ADAD2: variants seen among roughly 807,000 people sequenced by gnomAD.
ADAD2 encodes the protein adenosine deaminase domain containing 2.
In ADAD2, 60 loss-of-function variants were observed where a neutral mutation model predicts 54.5. That is an observed-to-expected ratio of 1.10 (90% CI 0.89 to 1.36). The LOEUF (loss-of-function observed/expected upper bound fraction) is 1.36. Among genes scored for constraint, ADAD2 ranks in the 40% most tolerant of loss-of-function variants. The probability of loss-of-function intolerance (pLI) is 0.00; values close to 1 mark genes in which losing one functional copy is unlikely to be tolerated. For synonymous variants in ADAD2, 543 were observed against 366.2 expected, an observed-to-expected ratio of 1.48 and a Z score of -5.51; for missense variants, 1,103 against 801.3, an observed-to-expected ratio of 1.38 and a Z score of -4.54.
intron 4 of ADAD2, 43 bp from the exon 5 acceptor site, chr16:84,195,253 C>G: frequency 6.2e-7 from 1 of 1,611,512 alleles, no homozygotes; most frequent in Non-Finnish European, 8.5e-7. Context: ...CCCCCTCAAG[C>G]TCCTTGCCTT....
At position 84,196,377 on chromosome 16, in the gene ADAD2, AG is replaced by A; in HGVS notation, c.1526+10del. On this transcript the variant is annotated splice_region_variant and intron_variant, in intron 8 of 9. Transcript: ENST00000315906. ...CCGGGCGTGTGAAGGCCAAGTGAGA[AG>A]GGCCCCCTGGGGCCGGGCTGTGGAG... The A allele has an allele frequency of 6.2e-7, 1 of 1,608,620 alleles. No individual in the cohort carries two copies. The highest frequency in any genetic ancestry group is 8.5e-7 in the Non-Finnish European group (1 of 1,177,748).
At chr16:84,196,448 G>T in intron 8 of ADAD2, 78 bp downstream of exon 8, 1 of 1,559,282 alleles carries the variant, frequency 6.4e-7, no homozygotes, top group Non-Finnish European at 8.7e-7. Flanking sequence ...CCTCACCTCA[G>T]TCTAATCCCA....
At chr16:84,194,318 G>A in intron 1 of ADAD2, 124 bp from the exon 2 acceptor site, 2 of 1,544,798 alleles carry the variant, frequency 1.3e-6, no homozygotes, top group Non-Finnish European at 8.8e-7. Context: ...TGGAGGAAGG[G>A]AAGGGTGGTG....
chr16:84,194,310 G>C (rs752594182), intron 1 of ADAD2, 132 bp from the exon 2 acceptor site: 10 of 1,546,616 alleles, frequency 6.5e-6, no homozygotes, highest in Non-Finnish European at 8.7e-6. Flanking sequence ...GAGCCTGCTG[G>C]AGGAAGGGAA....
In ADAD2 at chr16:84,195,179, G is replaced by C. The variant is rs1298148047; in HGVS notation, c.718G>C (p.Val240Leu). Reference sequence around the variant, plus strand: ...GGCCTGTAAGGGGACTGTGGCTGGAGTCATCCTGGAGAGGGGTAGGGATCG... The same window carrying C: ...GGCCTGTAAGGGGACTGTGGCTGGACTCATCCTGGAGAGGGGTAGGGATCG... ...YWACKGTVAG[V>L]ILEREIPRAR... The change falls in exon 4 of 10, where the codon GTC (valine) becomes CTC (leucine). Residue 240 changes from valine (V) to leucine (L), a missense_variant. Coordinates refer to ENST00000315906, the MANE Select transcript of ADAD2 (RefSeq NM_001145400.2). The C allele has an allele frequency of 6.2e-7, 1 of 1,613,078 alleles. No individual in the cohort carries two copies. Among genetic ancestry groups the C allele is most frequent in the Non-Finnish European group, 8.5e-7 (1 of 1,179,912 alleles).
chr16:84,196,558 G>A lies in ADAD2; in HGVS notation c.1527-89G>A. ...CTGTGAGTCCTGTGACATTGTCACA[G>A]TGTGAGAGGAGGTAGTGTGAGGTGT... On this transcript the variant is annotated intron_variant, in intron 8 of 9. Coordinates refer to ENST00000315906, the MANE Select transcript of ADAD2 (RefSeq NM_001145400.2). The A allele has an allele frequency of 3.2e-6, 5 of 1,569,212 alleles. 1 individual carries two copies. The South Asian group carries it at 5.9e-5, about 18-fold the overall frequency.
In ADAD2 at chr16:84,195,668, CA is replaced by C; in HGVS notation, c.1024del (p.Thr342ProfsTer35). ...TCTTCCTGCACCTCTACATCAGCAA[CA>C]CCCCCAAGGGCGCGGCCCGTGACAT... ...RVFLHLYISN[T>X]PKGAARDIYL... On this transcript the variant is annotated frameshift_variant, in exon 6 of 10. Coordinates refer to ENST00000315906, the MANE Select transcript of ADAD2 (RefSeq NM_001145400.2). LOFTEE classifies it high-confidence loss of function. 6.3e-7 allele frequency: 1 copy of C among 1,580,176 alleles called. No homozygotes were observed. The highest frequency in any genetic ancestry group is 1.2e-5 in the South Asian group (1 of 86,020).
Position 84,196,993 on chromosome 16 carries a change from C to A in ADAD2, c.*19C>A. Reference sequence around the variant, plus strand: ...AAACTGAAGCCAGCCTCGGCGGGACCGAGGTCCCGGAGCCAAGCTGTACCC... The same window carrying A: ...AAACTGAAGCCAGCCTCGGCGGGACAGAGGTCCCGGAGCCAAGCTGTACCC... On this transcript the variant is annotated 3_prime_UTR_variant, in exon 10 of 10. Transcript: ENST00000315906. 6.4e-7 allele frequency: 1 copy of A among 1,572,166 alleles called. No individual in the cohort carries two copies.
chr16:84,195,244 C>A, intron 4 of ADAD2, 50 bp downstream of exon 4: 2 of 1,610,576 alleles, frequency 1.2e-6, no homozygotes, highest in Non-Finnish European at 1.7e-6. Context: ...TGGGAAGGGC[C>A]CCCTCAAGCT....
chr16:84,196,585 T>C, intron 8 of ADAD2, 62 bp from the exon 9 acceptor site: 3 of 1,591,650 alleles, frequency 1.9e-6, no homozygotes, highest in South Asian at 1.1e-5. Flanking sequence ...GTGAGGTGTG[T>C]AGCAGGCCTG....
chr16:84,193,116 CTG>C (rs2089677502), intron 1 of ADAD2: 1 of 152,230 alleles, frequency 6.6e-6, no homozygotes, highest in Admixed American at 6.5e-5. Flanking sequence ...GAGTGAGCCA[CTG>C]TGCCCGGCCT....
chr16:84,196,660 C>T lies in ADAD2; in HGVS notation c.1540C>T (p.Pro514Ser), dbSNP rs931422301. 1.2e-6 allele frequency: 2 copies of T among 1,613,466 alleles called. No individual in the cohort carries two copies. Among genetic ancestry groups the T allele is most frequent in the Non-Finnish European group, 1.7e-6 (2 of 1,179,948 alleles). The change falls in exon 9 of 10, where the codon CCT (proline) becomes TCT (serine). Residue 514 changes from proline to serine, a missense_variant. Transcript: ENST00000315906. ...CTCTTCATCCAGTGCCGCCCTGGGG[C>T]CTCCCTCCCGTCTCTGCAAGGCCTC... ...GRVKANAALG[P>S]PSRLCKASFL...
Position 84,197,010 on chromosome 16 carries a change from G to C in ADAD2, c.*36G>C. ...GGCGGGACCGAGGTCCCGGAGCCAAGCTGTACCCCTGCTGGGGGAGTGCCC... is the reference window on the plus strand; with the variant it reads ...GGCGGGACCGAGGTCCCGGAGCCAACCTGTACCCCTGCTGGGGGAGTGCCC... On this transcript the variant is annotated 3_prime_UTR_variant, in exon 10 of 10. Transcript: ENST00000315906. The C allele has an allele frequency of 6.4e-7, 1 of 1,553,516 alleles. No homozygotes were observed. The highest frequency in any genetic ancestry group is 1.4e-5 in the African/African-American group (1 of 73,764).
chr16:84,194,751 T>G lies in ADAD2; in HGVS notation c.559+169T>G, dbSNP rs759976067. ...CTGCAGGGAGCTGGGGCGGGGTACA[T>G]GTGCCGGTCCCTGCTTTCACGTCCT... On this transcript the variant is annotated intron_variant, in intron 2 of 9. Coordinates refer to ENST00000315906, the MANE Select transcript of ADAD2 (RefSeq NM_001145400.2). 1.4e-4 allele frequency: 188 copies of G among 1,325,794 alleles called. 2 individuals are homozygous for G. The highest frequency in any genetic ancestry group is 1.0e-3 in the Middle Eastern group (4 of 3,872). The allele number at this position is 1,325,794 out of a possible 1,614,324, so 82.1% of individuals were successfully genotyped here. A position where few individuals can be genotyped will look rare whatever the true frequency, so the allele number is the denominator to read the frequency against.
In ADAD2 at chr16:84,191,254, TGACGAC is replaced by T; in HGVS notation, c.29_34del (p.Asp10_Asp11del). 1 of 1,607,380 alleles carries T rather than the reference TGACGAC, an allele frequency of 6.2e-7. No individual in the cohort carries two copies. Among genetic ancestry groups the T allele is most frequent in the Non-Finnish European group, 8.5e-7 (1 of 1,177,310 alleles). ...CCATGGCTTCGGCTTCTCAGGGCGC[TGACGAC>T]GACGGCAGTCGTAGGAAGCCCCGCC... On this transcript the variant is annotated inframe_deletion, in exon 1 of 10. Transcript: ENST00000315906.
chr16:84,196,950 A>T lies in ADAD2; in HGVS notation c.1728A>T (p.Pro576=). The change falls in exon 10 of 10, where the codon CCA becomes CCT. Residue 576 remains proline (P), a synonymous_variant. Transcript: ENST00000315906. Reference sequence around the variant, plus strand: ...GCCTGGGGGCTTGGCCCTCGAAGCCACTGGTGGGCAAATTCAGAAACTGAA... The same window carrying T: ...GCCTGGGGGCTTGGCCCTCGAAGCCTCTGGTGGGCAAATTCAGAAACTGAA... The part of the protein sequence containing the change: ...QQGLGAWPSK[P]LVGKFRN The T allele has an allele frequency of 1.9e-6, 3 of 1,604,274 alleles. No homozygotes were observed. The highest frequency in any genetic ancestry group is 2.2e-5 in the East Asian group (1 of 44,588).
chr16:84,196,232 C>T lies in ADAD2; in HGVS notation c.1388C>T (p.Ala463Val), dbSNP rs2089728532. 6 of 1,611,974 alleles carry T rather than the reference C, an allele frequency of 3.7e-6. No homozygotes were observed. Among genetic ancestry groups the T allele is most frequent in the South Asian group, 2.2e-5 (2 of 91,078 alleles). The change falls in exon 8 of 10, where the codon GCC (alanine) becomes GTC (valine). Residue 463 changes from alanine to valine, a missense_variant. Transcript: ENST00000315906. The stretch of plus-strand genomic sequence containing the variant: ...CTGCCACCTCCCTACGTCCGGACCG[C>T]CCTGCACCTGTTTGCAGGGCCCCCG... ...PCLPPPYVRTALHLFAGPPVA... is the reference protein window; with the variant it reads ...PCLPPPYVRTVLHLFAGPPVA...
At position 84,196,633 on chromosome 16, in the gene ADAD2, C is replaced by G; in HGVS notation, c.1527-14C>G. ...GTATCTCTCTGATCTCAGTGGTATC[C>G]TCTCTTCATCCAGTGCCGCCCTGGG... On this transcript the variant is annotated splice_polypyrimidine_tract_variant and intron_variant, in intron 8 of 9. Transcript: ENST00000315906. 1 of 1,612,062 alleles carries G rather than the reference C, an allele frequency of 6.2e-7. No individual in the cohort carries two copies. Among genetic ancestry groups the G allele is most frequent in the Non-Finnish European group, 8.5e-7 (1 of 1,179,212 alleles).
chr16:84,196,053 G>A lies in ADAD2; in HGVS notation c.1282+9G>A, dbSNP rs761536533. 27 of 1,599,344 alleles carry A rather than the reference G, an allele frequency of 1.7e-5. No individual in the cohort carries two copies. Among genetic ancestry groups the A allele is most frequent in the African/African-American group, 2.7e-5 (2 of 75,030 alleles). The stretch of plus-strand genomic sequence containing the variant: ...CACCAGCCTCATCCTGGGTGAGCAC[G>A]TGGTGAGGGCTGGGGGGGTGAGAAG... On this transcript the variant is annotated intron_variant, in intron 7 of 9. Transcript: ENST00000315906.
Sources: allele counts gnomAD v4.1 joint callset, GRCh38; gene constraint gnomAD v4.1.1; transcripts MANE v1.5; gene names NCBI Gene and HGNC (gene_info 2026-07-23, HGNC 2026-07-21).